SUCLG2: variants seen among roughly 807,000 people sequenced by gnomAD.
SUCLG2 encodes the protein succinate-CoA ligase GDP-forming subunit beta, also known as succinate--CoA ligase [GDP-forming] subunit beta, mitochondrial.
In SUCLG2, 42 loss-of-function variants were observed where a neutral mutation model predicts 47.9. The observed-to-expected ratio is 0.88, with a 90% CI of 0.69 to 1.14. The LOEUF is 1.14. Among genes scored for constraint, SUCLG2 ranks in the 50% most tolerant of loss-of-function variants. The probability of loss-of-function intolerance (pLI) is 0.00; values close to 1 mark genes in which losing one functional copy is unlikely to be tolerated. For synonymous variants in SUCLG2, 195 were observed against 197.3 expected (o/e 0.99, Z 0.10); for missense variants, 571 against 525.9 (o/e 1.09, Z -0.84).
Position 67,520,269 on chromosome 3 carries a change from G to C in SUCLG2, c.570+213C>G, listed in dbSNP as rs569624685. Among the ~76,000 whole-genome samples the C allele has an allele frequency of 2.0e-5, 3 of 152,140 alleles. No homozygotes were observed. In the South Asian group the frequency reaches 6.2e-4, roughly 32 times the overall value. ...AGGAAGAAGTAAAGAAGGAAGGGTG[G>C]GAAAAGCAAAGATAAAAAGTCCTTG... On this transcript the variant is annotated intron_variant, in intron 5 of 10. Transcript: ENST00000307227.
chr3:67,402,341 A>G lies in SUCLG2; in HGVS notation c.1063-1490T>C, dbSNP rs777261091. Reference sequence around the variant, plus strand: ...AAGAAAACCTTTTTCAGTAGACTGCAGCTCATGTTGAATTCAAATATAATG... The same window carrying G: ...AAGAAAACCTTTTTCAGTAGACTGCGGCTCATGTTGAATTCAAATATAATG... On this transcript the variant is annotated intron_variant, in intron 9 of 10. Transcript: ENST00000307227. Among the ~76,000 whole-genome samples, 18 of 144,136 alleles carry G rather than the reference A, an allele frequency of 1.2e-4. 1 individual carries two copies. Among genetic ancestry groups the G allele is most frequent in the South Asian group, 4.5e-4 (2 of 4,492 alleles). 94.6% of individuals were successfully genotyped at this position (144,136 alleles called of 152,430 possible).
intron 10 of SUCLG2, among the ~76,000 whole-genome samples, chr3:67,390,553 ACT>A (rs1702357542): frequency 6.6e-6 from 1 of 152,036 alleles, no homozygotes; most frequent in African/African-American, 2.4e-5. Flanking sequence ...TGTTCAAAAG[ACT>A]CTTGCGTGAA....
At chr3:67,454,098 A>C (rs75283084) in intron 9 of SUCLG2, among the ~76,000 whole-genome samples, 2,070 of 152,304 alleles carry the variant, frequency 0.014, 52 homozygotes, top group African/African-American at 0.048. Flanking sequence ...TCTTAGGCCT[A>C]AGTGGATGTA....
At chr3:67,622,145 G>A (rs1015143572) in intron 1 of SUCLG2, among the ~76,000 whole-genome samples, 4 of 152,314 alleles carry the variant, frequency 2.6e-5, no homozygotes, top group Admixed American at 6.5e-5. Flanking sequence ...GGATTAATAA[G>A]ATTGGCCTAT....
chr3:67,396,534 C>G (rs1216090842), intron 10 of SUCLG2, among the ~76,000 whole-genome samples: 1 of 152,138 alleles, frequency 6.6e-6, no homozygotes, highest in Non-Finnish European at 1.5e-5. Context: ...TAATCAATAG[C>G]TTACCAACCA....
chr3:67,468,029 G>A (rs1191292489), intron 9 of SUCLG2, among the ~76,000 whole-genome samples: 1 of 152,132 alleles, frequency 6.6e-6, no homozygotes, highest in Non-Finnish European at 1.5e-5. Flanking sequence ...GCTACAAGAG[G>A]GGCAAAAGTG....
chr3:67,376,111 G>T (rs1301094518), intron 10 of SUCLG2: 2 of 985,374 alleles, frequency 2.0e-6, no homozygotes, highest in Non-Finnish European at 2.4e-6. Flanking sequence ...GATGGAAGCT[G>T]AGTTGTCTGC....
At chr3:67,580,299 G>A (rs1399495473) in intron 2 of SUCLG2, among the ~76,000 whole-genome samples, 2 of 152,020 alleles carry the variant, frequency 1.3e-5, no homozygotes, top group African/African-American at 4.8e-5. Flanking sequence ...ATGTTTCGTG[G>A]CTGTGTGTAT....
intron 10 of SUCLG2, chr3:67,376,135 C>T: frequency 1.0e-6 from 1 of 984,756 alleles, no homozygotes; most frequent in Non-Finnish European, 1.2e-6. Context: ...TAATCACAGC[C>T]ATGTGGATTT....
chr3:67,622,893 C>T (rs767972322), intron 1 of SUCLG2, among the ~76,000 whole-genome samples: 1 of 152,144 alleles, frequency 6.6e-6, no homozygotes, highest in Non-Finnish European at 1.5e-5. Flanking sequence ...CCCTTGCAGC[C>T]TGCCAAGACA....
chr3:67,627,308 G>A (rs534223681), intron 1 of SUCLG2, among the ~76,000 whole-genome samples: 1 of 152,272 alleles, frequency 6.6e-6, no homozygotes, highest in Middle Eastern at 3.4e-3. Flanking sequence ...GCCATAGACT[G>A]CAAAACAGGA....
chr3:67,456,636 C>T (rs760588131), intron 9 of SUCLG2, among the ~76,000 whole-genome samples: 11 of 152,150 alleles, frequency 7.2e-5, no homozygotes, highest in Non-Finnish European at 1.0e-4. Context: ...GTAAGCCAGA[C>T]AGGAAAGAAT....
At chr3:67,592,448 T>C (rs1418673064) in intron 2 of SUCLG2, among the ~76,000 whole-genome samples, 1 of 152,212 alleles carries the variant, frequency 6.6e-6, no homozygotes, top group Admixed American at 6.5e-5. Context: ...ATCTCTCATA[T>C]GATATCTCTT....
chr3:67,406,006 AG>A (rs1702797475), intron 9 of SUCLG2, among the ~76,000 whole-genome samples: 1 of 152,168 alleles, frequency 6.6e-6, no homozygotes, highest in South Asian at 2.1e-4. Context: ...GCAAACCTAG[AG>A]AAGCCCTACA....
At chr3:67,626,708 A>T (rs568159043) in intron 1 of SUCLG2, among the ~76,000 whole-genome samples, 1 of 152,248 alleles carries the variant, frequency 6.6e-6, no homozygotes, top group South Asian at 2.1e-4. Flanking sequence ...AGGTCAGGAC[A>T]TCGAGGCCAT....
At chr3:67,644,347 A>C (rs1463165850) in intron 1 of SUCLG2, among the ~76,000 whole-genome samples, 1 of 152,242 alleles carries the variant, frequency 6.6e-6, no homozygotes, top group Non-Finnish European at 1.5e-5. Flanking sequence ...ATGAACTTTG[A>C]AGACATTATG....
At chr3:67,608,526 C>T (rs1559594043) in intron 2 of SUCLG2, among the ~76,000 whole-genome samples, 2 of 152,166 alleles carry the variant, frequency 1.3e-5, no homozygotes, top group Non-Finnish European at 2.9e-5. Context: ...TCCCTGCACA[C>T]ATTATTGAAC....
chr3:67,595,920 G>T (rs148029498), intron 2 of SUCLG2, among the ~76,000 whole-genome samples: 2 of 152,312 alleles, frequency 1.3e-5, no homozygotes, highest in African/African-American at 2.4e-5. Flanking sequence ...AAAAGGAAAA[G>T]AATTGCATAA....
chr3:67,651,167 G>T (rs974769868), intron 1 of SUCLG2, among the ~76,000 whole-genome samples: 2 of 152,160 alleles, frequency 1.3e-5, no homozygotes, highest in Non-Finnish European at 2.9e-5. Flanking sequence ...TTATAACAGG[G>T]GGCGTGTACA....
Sources: allele counts gnomAD v4.1 joint callset (sites outside exome capture counted in the v4.1 genomes callset), GRCh38; gene constraint gnomAD v4.1.1; transcripts MANE v1.5; gene names NCBI Gene and HGNC (gene_info 2026-07-23, HGNC 2026-07-21).